RBFOX1: variants seen among roughly 807,000 people sequenced by gnomAD.
RBFOX1 encodes the protein RNA binding fox-1 homolog 1, also known as RNA binding protein fox-1 homolog 1.
In RBFOX1, 8 loss-of-function variants were observed where a neutral mutation model predicts 57.7. That is an observed-to-expected ratio of 0.14 (90% confidence interval 0.08 to 0.25). RBFOX1 has a LOEUF of 0.25. RBFOX1 is among the 10% of genes least tolerant of loss of function. RBFOX1 has a pLI of 1.00. For missense variants in RBFOX1, 611 were observed against 548.5 expected, an observed-to-expected ratio of 1.11 and a Z score of -1.14; for synonymous variants, 326 against 222.4, an observed-to-expected ratio of 1.47 and a Z score of -4.15.
intron 4 of RBFOX1, among the ~76,000 whole-genome samples, chr16:7,225,919 T>TATATATATATATATATATATATATAA (rs1315130232): frequency 3.5e-5 from 5 of 142,146 alleles, no homozygotes; most frequent in African/African-American, 1.1e-4. Context: ...TATATATATA[T>TATATATATATATATATATATATATAA]AAATGTGAAT....
chr16:5,835,819 T>C (rs543400342), intron 3 of RBFOX1, among the ~76,000 whole-genome samples: 65 of 152,316 alleles, frequency 4.3e-4, no homozygotes, highest in African/African-American at 1.5e-3. Context: ...TGGGGGACAA[T>C]TGATTACGAG....
chr16:6,058,200 G>A (rs2152453180), intron 1 of RBFOX1, among the ~76,000 whole-genome samples: 1 of 152,212 alleles, frequency 6.6e-6, no homozygotes, highest in Middle Eastern at 3.4e-3. Flanking sequence ...TCTCATCAAA[G>A]TCATTTCCTA....
rs144515178 is a variant in RBFOX1 at position 5,892,113 on chromosome 16, A to C, written c.351+24778A>C. On this transcript the variant is annotated intron_variant, in intron 4 of 19. Coordinates refer to the RBFOX1 transcript ENST00000641259. Reference sequence around the variant, plus strand: ...GTCCTTACGGCACTTATATTCTAGCAGGATGGATTACACAGGATGTTGAAA... The same window carrying C: ...GTCCTTACGGCACTTATATTCTAGCCGGATGGATTACACAGGATGTTGAAA... 2.3e-4 allele frequency among the ~76,000 whole-genome samples: 35 copies of C among 152,340 alleles called. 1 individual carries two copies. The highest frequency in any genetic ancestry group is 8.2e-4 in the African/African-American group (34 of 41,580).
chr16:5,459,308 C>G (rs1282973943), intron 1 of RBFOX1, among the ~76,000 whole-genome samples: 1 of 152,218 alleles, frequency 6.6e-6, no homozygotes, highest in Non-Finnish European at 1.5e-5. Context: ...ATAGCTCCAG[C>G]TCGCCTATTC....
chr16:5,943,331 T>C (rs2059320367), intron 4 of RBFOX1, among the ~76,000 whole-genome samples: 1 of 152,214 alleles, frequency 6.6e-6, no homozygotes, highest in African/African-American at 2.4e-5. Flanking sequence ...TTCTGCACAT[T>C]AGAATTTGAG....
At chr16:5,989,186 C>T (rs1183432899) in intron 4 of RBFOX1, among the ~76,000 whole-genome samples, 2 of 151,328 alleles carry the variant, frequency 1.3e-5, no homozygotes, top group Non-Finnish European at 2.9e-5. Flanking sequence ...AAAAAATTAG[C>T]TGGGCGTGGT....
intron 4 of RBFOX1, among the ~76,000 whole-genome samples, chr16:5,907,329 C>G (rs923008092): frequency 3.9e-5 from 6 of 152,150 alleles, no homozygotes; most frequent in Non-Finnish European, 5.9e-5. Flanking sequence ...TTTCATGCCT[C>G]TTTCTCTCTA....
intron 2 of RBFOX1, among the ~76,000 whole-genome samples, chr16:6,585,115 C>T (rs1379383174): frequency 6.6e-6 from 1 of 152,154 alleles, no homozygotes; most frequent in African/African-American, 2.4e-5. Flanking sequence ...CAATGGTTAG[C>T]ATTTTAATCT....
intron 2 of RBFOX1, among the ~76,000 whole-genome samples, chr16:5,552,139 G>T (rs1053699689): frequency 6.6e-6 from 1 of 152,160 alleles, no homozygotes; most frequent in East Asian, 1.9e-4. Flanking sequence ...CTGGTACGTG[G>T]CCAGAACTTA....
intron 4 of RBFOX1, among the ~76,000 whole-genome samples, chr16:7,373,281 C>G (rs558544893): frequency 1.3e-5 from 2 of 152,084 alleles, no homozygotes; most frequent in Non-Finnish European, 2.9e-5. Context: ...TTTGCACCAA[C>G]CTAAGGAACA....
intron 3 of RBFOX1, among the ~76,000 whole-genome samples, chr16:6,985,130 A>C (rs1040494819): frequency 6.6e-6 from 1 of 151,392 alleles, no homozygotes; most frequent in Non-Finnish European, 1.5e-5. Context: ...ACCCTACCCT[A>C]CCCTACCCTC....
chr16:6,472,607 G>C (rs1049715854), intron 2 of RBFOX1, among the ~76,000 whole-genome samples: 1 of 151,642 alleles, frequency 6.6e-6, no homozygotes, highest in Admixed American at 6.6e-5. Context: ...ACTCTGCCCA[G>C]CTTCTTTCTT....
intron 1 of RBFOX1, among the ~76,000 whole-genome samples, chr16:5,266,299 A>G (rs1359217963): frequency 6.6e-6 from 1 of 152,052 alleles, no homozygotes; most frequent in Admixed American, 6.5e-5. Flanking sequence ...GACTCACTGG[A>G]TGCAGTAACA....
chr16:7,437,196 C>G (rs1303518827), intron 4 of RBFOX1, among the ~76,000 whole-genome samples: 1 of 151,968 alleles, frequency 6.6e-6, no homozygotes, highest in Non-Finnish European at 1.5e-5. Flanking sequence ...TTTCCAAGTT[C>G]ACAATCACAA....
At chr16:7,519,727 C>G (rs756453331) in intron 5 of RBFOX1, 207 of 984,668 alleles carry the variant, frequency 2.1e-4, no homozygotes, top group Middle Eastern at 5.2e-4. Flanking sequence ...GCAATTCTGC[C>G]TCTTCGTCCT....
At chr16:6,501,236 C>G (rs2095912510) in intron 2 of RBFOX1, among the ~76,000 whole-genome samples, 1 of 149,100 alleles carries the variant, frequency 6.7e-6, no homozygotes. Context: ...GTGTGCTGCA[C>G]CCATCAACTC....
chr16:7,198,185 T>G (rs2152700162), intron 4 of RBFOX1, among the ~76,000 whole-genome samples: 1 of 152,124 alleles, frequency 6.6e-6, no homozygotes, highest in African/African-American at 2.4e-5. Flanking sequence ...TTTTGTATTT[T>G]TAGTAGAGAC....
At chr16:6,638,991 G>A (rs1053299028) in intron 2 of RBFOX1, among the ~76,000 whole-genome samples, 1 of 152,182 alleles carries the variant, frequency 6.6e-6, no homozygotes, top group Admixed American at 6.5e-5. Flanking sequence ...AAGATGGCTC[G>A]AGTTCAAGTG....
intron 4 of RBFOX1, among the ~76,000 whole-genome samples, chr16:7,072,080 T>C (rs1255593969): frequency 6.6e-6 from 1 of 152,220 alleles, no homozygotes; most frequent in Non-Finnish European, 1.5e-5. Context: ...TCTGACCCGT[T>C]CTCTAGTCTT....
Sources: gnomAD v4.1 joint callset for allele counts (sites outside exome capture counted in the v4.1 genomes callset) on GRCh38, gnomAD v4.1.1 for gene constraint, MANE v1.5 for transcripts, NCBI Gene and HGNC (gene_info 2026-07-23, HGNC 2026-07-21) for gene names.